The following C1orf159 variants were observed in gnomAD, a reference collection of about 807,000 sequenced individuals.
C1orf159 encodes the protein uncharacterized protein C1orf159.
In C1orf159, 19 loss-of-function variants were observed where a neutral mutation model predicts 25.6. That is an observed-to-expected ratio of 0.74 (90% CI 0.52 to 1.09). C1orf159 has a LOEUF of 1.09. Ranked by LOEUF, C1orf159 falls within the 50% of genes least tolerant of loss-of-function variation. The pLI, the probability that C1orf159 is intolerant of heterozygous loss-of-function variation, is 0.00. For missense variants in C1orf159, 274 were observed against 290.6 expected (o/e 0.94, Z 0.42); for synonymous variants, 139 against 124.7 (o/e 1.12, Z -0.77).
chr1:1,113,417 T>C (rs908195314), intron 1 of C1orf159, among the ~76,000 whole-genome samples: 3 of 152,184 alleles, frequency 2.0e-5, no homozygotes, highest in Non-Finnish European at 4.4e-5. Flanking sequence ...GAGGTGGCTC[T>C]TTCTTTTCTT....
intron 6 of C1orf159, among the ~76,000 whole-genome samples, chr1:1,086,570 C>T (rs1047755665): frequency 6.6e-6 from 1 of 152,250 alleles, no homozygotes; most frequent in African/African-American, 2.4e-5. Flanking sequence ...CCCTGAGACA[C>T]AGGCGTGTTT....
intron 1 of C1orf159, among the ~76,000 whole-genome samples, chr1:1,102,071 C>CAAAAAAAA (rs1237729417): frequency 7.5e-5 from 3 of 39,952 alleles, no homozygotes; most frequent in Non-Finnish European, 9.7e-5. Flanking sequence ...AACTCTGTCT[C>CAAAAAAAA]AAAAAAAAAA....
chr1:1,113,596 T>C (rs1343289379), intron 1 of C1orf159, among the ~76,000 whole-genome samples: 2 of 152,126 alleles, frequency 1.3e-5, no homozygotes, highest in Non-Finnish European at 2.9e-5. Context: ...ACCTCAATTT[T>C]TCCCTCCTCA....
chr1:1,085,295 C>G, intron 7 of C1orf159: 1 of 431,080 alleles, frequency 2.3e-6, no homozygotes, highest in South Asian at 1.6e-5. Context: ...TGGCAGGGAC[C>G]CTGCGGGGGC....
At chr1:1,107,769 T>C (rs1365265166) in intron 1 of C1orf159, among the ~76,000 whole-genome samples, 1 of 152,164 alleles carries the variant, frequency 6.6e-6, no homozygotes, top group Non-Finnish European at 1.5e-5. Flanking sequence ...ATGGAAGCTT[T>C]GTTCTTTCGC....
At position 1,110,777 on chromosome 1, in the gene C1orf159, G is replaced by A. The variant is rs556884620; in HGVS notation, c.-136+5283C>T. 2.5e-4 allele frequency among the ~76,000 whole-genome samples: 38 copies of A among 152,282 alleles called. No individual in the cohort carries two copies. Among genetic ancestry groups the A allele is most frequent in the Admixed American group, 8.5e-4 (13 of 15,278 alleles). ...GGGCGCCCTCAGAGACGACGAGCAC[G>A]CAACAGCGCATCCCACACCCACTCC... On this transcript the variant is annotated intron_variant, in intron 1 of 9. Transcript: ENST00000421241. The surrounding 1 kb of genome is among the most constrained non-coding windows in gnomAD (Gnocchi z 4.8).
chr1:1,103,569 A>T (rs534008124), intron 1 of C1orf159, among the ~76,000 whole-genome samples: 27 of 152,342 alleles, frequency 1.8e-4, no homozygotes, highest in Middle Eastern at 3.4e-3. Context: ...CACAGGGTGC[A>T]CGCAGGGGTC....
intron 1 of C1orf159, among the ~76,000 whole-genome samples, chr1:1,112,923 C>T (rs987330051): frequency 4.1e-4 from 62 of 152,308 alleles, no homozygotes; most frequent in Middle Eastern, 6.8e-3. Flanking sequence ...CGGTGGGGTG[C>T]GGTGGCTCAC....
chr1:1,084,371 G>T lies in C1orf159; in HGVS notation c.484C>A (p.Pro162Thr), dbSNP rs1404466157. The T allele has an allele frequency of 1.7e-5, 27 of 1,566,838 alleles. No homozygotes were observed. Among genetic ancestry groups the T allele is most frequent in the Non-Finnish European group, 2.3e-5 (27 of 1,155,496 alleles). The change falls in exon 9 of 10, where the codon CCC becomes ACC. Residue 162 changes from proline to threonine, a missense_variant. Coordinates refer to ENST00000421241, the MANE Select transcript of C1orf159 (RefSeq NM_017891.5). ...LQPGEAAAMIPPPQSSVRKPR... is the reference protein window; with the variant it reads ...LQPGEAAAMITPPQSSVRKPR... The stretch of plus-strand genomic sequence containing the variant: ...CTGTTACCTGAGGACTGTGGCGGGG[G>T]GATCATTGCAGCCTTGAAAAGGAGA...
chr1:1,085,276 C>T (rs1321804676), intron 7 of C1orf159: 2 of 439,862 alleles, frequency 4.5e-6, no homozygotes, highest in Non-Finnish European at 9.2e-6. Context: ...GCTGGCTGGA[C>T]CATCTGCCTG....
Position 1,109,139 on chromosome 1 carries a change from C to T in C1orf159, c.-136+6921G>A, listed in dbSNP as rs529323927. Among the ~76,000 whole-genome samples, 390 of 91,336 alleles carry T rather than the reference C, an allele frequency of 4.3e-3. 52 individuals carry two copies. The highest frequency in any genetic ancestry group is 0.031 in the African/African-American group (378 of 12,250). 59.9% of individuals were successfully genotyped at this position (91,336 alleles called of 152,430 possible). ...GCCAAAAGGTGGGAGCAAGTGTCCA[C>T]CCACAGATGAATGGATAAACAAAAG... On this transcript the variant is annotated intron_variant, in intron 1 of 9. Transcript: ENST00000421241.
intron 1 of C1orf159, among the ~76,000 whole-genome samples, chr1:1,107,457 T>C (rs1439211680): frequency 2.0e-5 from 3 of 152,240 alleles, no homozygotes; most frequent in Non-Finnish European, 4.4e-5. Context: ...CAGCACCTTG[T>C]GTCTAGCTCA....
chr1:1,088,512 G>A (rs931007944), intron 4 of C1orf159, among the ~76,000 whole-genome samples: 3 of 150,026 alleles, frequency 2.0e-5, no homozygotes, highest in Non-Finnish European at 4.4e-5. Flanking sequence ...ACCCTCCCCC[G>A]GGTCTCTCTC....
At chr1:1,090,602 G>A (rs137944262) in intron 3 of C1orf159, 174 bp from the exon 4 acceptor site, 483 of 724,158 alleles carry the variant, frequency 6.7e-4, no homozygotes, top group Middle Eastern at 1.1e-3. Flanking sequence ...GAGCAAGGAG[G>A]GGCCTCACAG....
intron 1 of C1orf159, among the ~76,000 whole-genome samples, chr1:1,104,559 C>T (rs1646144515): frequency 6.6e-6 from 1 of 152,188 alleles, no homozygotes; most frequent in Non-Finnish European, 1.5e-5. Context: ...CTTTCTGTGT[C>T]CAGAAACCAA....
chr1:1,083,959 T>C lies in C1orf159; in HGVS notation c.502+394A>G, dbSNP rs931635221. ...GCCTGACCCAGCACCACTGAAGCGA[T>C]GGCTGCTCAGGAGGGCCTGGCGGAG... On this transcript the variant is annotated intron_variant, in intron 9 of 9. Coordinates refer to ENST00000421241, the MANE Select transcript of C1orf159 (RefSeq NM_017891.5). 6 of 1,603,246 alleles carry C rather than the reference T, an allele frequency of 3.7e-6. 1 individual carries two copies. The highest frequency in any genetic ancestry group is 2.2e-5 in the South Asian group (2 of 89,308).
rs1222949130 is a variant in C1orf159 at position 1,087,461 on chromosome 1, G to C, written c.244+41C>G. On this transcript the variant is annotated intron_variant, in intron 5 of 9. Coordinates refer to ENST00000421241, the MANE Select transcript of C1orf159 (RefSeq NM_017891.5). The surrounding 1 kb of genome is among the most constrained non-coding windows in gnomAD (Gnocchi z 8.3). ...ACTCCCACAGTGTCTCCCACAGCTGGAGCTGTGAGAAGGGAGCCGGGGGGA... is the reference window on the plus strand; with the variant it reads ...ACTCCCACAGTGTCTCCCACAGCTGCAGCTGTGAGAAGGGAGCCGGGGGGA... 3 of 1,480,042 alleles carry C rather than the reference G, an allele frequency of 2.0e-6. No homozygotes were observed. The African/African-American group carries it at 4.2e-5, about 21-fold the overall frequency. 91.7% of individuals were successfully genotyped at this position (1,480,042 alleles called of 1,614,324 possible). A position where few individuals can be genotyped will look rare whatever the true frequency, so the allele number is the denominator to read the frequency against.
intron 1 of C1orf159, chr1:1,106,798 A>C (rs1646177287): frequency 6.5e-6 from 1 of 153,116 alleles, no homozygotes; most frequent in Admixed American, 6.5e-5. Context: ...GGAGAGCTGC[A>C]GGCGGGAACC....
At chr1:1,105,295 GGAT>G (rs1646155119) in intron 1 of C1orf159, among the ~76,000 whole-genome samples, 1 of 152,170 alleles carries the variant, frequency 6.6e-6, no homozygotes, top group Non-Finnish European at 1.5e-5. Context: ...TGAGGCTGGA[GGAT>G]CGCTTGAGGG....
Sources: gnomAD v4.1 joint callset for allele counts (sites outside exome capture counted in the v4.1 genomes callset) on GRCh38, gnomAD v4.1.1 for gene constraint, Gnocchi (gnomAD v3.1) non-coding constraint, MANE v1.5 for transcripts, NCBI Gene and HGNC (gene_info 2026-07-23, HGNC 2026-07-21) for gene names.